CTNND2: variants seen among roughly 807,000 people sequenced by gnomAD.
CTNND2 encodes catenin delta-2.
A neutral mutation model predicts 144.4 loss-of-function variants in CTNND2; 22 were observed. That is an observed-to-expected ratio of 0.15 (90% CI 0.11 to 0.22). CTNND2 has a LOEUF of 0.22. CTNND2 is among the 10% of genes least tolerant of loss of function. The pLI, the probability that CTNND2 is intolerant of heterozygous loss-of-function variation, is 1.00. For synonymous variants in CTNND2, 751 were observed against 695.6 expected, an observed-to-expected ratio of 1.08 and a Z score of -1.25; for missense variants, 1,353 against 1,618.8, an observed-to-expected ratio of 0.84 and a Z score of 2.82.
At chr5:11,886,406 TATGAATA>T (rs1736534574) in intron 1 of CTNND2, among the ~76,000 whole-genome samples, 1 of 152,176 alleles carries the variant, frequency 6.6e-6, no homozygotes, top group African/African-American at 2.4e-5. Context: ...TCAAGACTAC[TATGAATA>T]ACTGTATGCC....
chr5:11,204,869 G>T (rs1031883462), intron 10 of CTNND2, among the ~76,000 whole-genome samples: 2 of 152,142 alleles, frequency 1.3e-5, no homozygotes, highest in Non-Finnish European at 2.9e-5. Context: ...CCCCGAGGGC[G>T]TGGCCTCCCA....
intron 2 of CTNND2, among the ~76,000 whole-genome samples, chr5:11,689,635 T>C (rs1784806741): frequency 6.6e-6 from 1 of 152,194 alleles, no homozygotes; most frequent in African/African-American, 2.4e-5. Context: ...TAATAATCAC[T>C]GTACTGCAGA....
chr5:11,481,901 C>T (rs866846478), intron 3 of CTNND2, among the ~76,000 whole-genome samples: 3 of 152,052 alleles, frequency 2.0e-5, no homozygotes, highest in Admixed American at 6.5e-5. Flanking sequence ...TGTGCAGGCC[C>T]CAGAAGGCCC....
intron 6 of CTNND2, among the ~76,000 whole-genome samples, chr5:11,395,069 C>T (rs1330663551): frequency 6.6e-6 from 1 of 152,062 alleles, no homozygotes; most frequent in Non-Finnish European, 1.5e-5. Flanking sequence ...TCACACGGAT[C>T]AGAATTTTGA....
At chr5:11,257,415 T>C (rs154723) in intron 9 of CTNND2, among the ~76,000 whole-genome samples, 26,210 of 152,106 alleles carry the variant, frequency 0.17, 2,634 homozygotes, top group African/African-American at 0.27. Context: ...GACTGGGTAA[T>C]TTACAAAGAA....
chr5:11,021,339 A>T (rs1201277289), intron 17 of CTNND2, among the ~76,000 whole-genome samples: 1 of 152,194 alleles, frequency 6.6e-6, no homozygotes, highest in African/African-American at 2.4e-5. Flanking sequence ...ATTGTTTTGC[A>T]GACTACGGTT....
intron 2 of CTNND2, among the ~76,000 whole-genome samples, chr5:11,700,207 C>T (rs10043612): frequency 3.8e-4 from 58 of 152,038 alleles, no homozygotes; most frequent in Non-Finnish European, 6.3e-4. Flanking sequence ...TGGCCAACAT[C>T]GTGAAACCCC....
chr5:11,240,785 AC>A (rs566074709), intron 9 of CTNND2, among the ~76,000 whole-genome samples: 1 of 126,696 alleles, frequency 7.9e-6, no homozygotes, highest in African/African-American at 3.1e-5. Flanking sequence ...CAGCACACAC[AC>A]CCCCAACCCC....
At chr5:11,273,395 A>G (rs1347571769) in intron 9 of CTNND2, among the ~76,000 whole-genome samples, 1 of 152,228 alleles carries the variant, frequency 6.6e-6, no homozygotes, top group Non-Finnish European at 1.5e-5. Context: ...CGCTGCCTTC[A>G]GTGAGCCAGA....
intron 5 of CTNND2, among the ~76,000 whole-genome samples, chr5:11,404,057 A>G (rs1440617420): frequency 6.6e-6 from 1 of 152,220 alleles, no homozygotes; most frequent in Non-Finnish European, 1.5e-5. Flanking sequence ...GGTATATATG[A>G]TGCTAGTCAC....
chr5:11,279,424 C>T (rs980250153), intron 9 of CTNND2, among the ~76,000 whole-genome samples: 2 of 152,136 alleles, frequency 1.3e-5, no homozygotes, highest in African/African-American at 2.4e-5. Context: ...ATTCTCATCC[C>T]TGCACCCCTC....
chr5:11,365,570 AC>A (rs1416712734), intron 7 of CTNND2, among the ~76,000 whole-genome samples: 2 of 152,160 alleles, frequency 1.3e-5, no homozygotes, highest in African/African-American at 4.8e-5. Flanking sequence ...GCGGCTACAC[AC>A]CACTTTGCTT....
At chr5:11,144,222 C>G (rs1349426490) in intron 12 of CTNND2, among the ~76,000 whole-genome samples, 2 of 152,214 alleles carry the variant, frequency 1.3e-5, no homozygotes, top group Non-Finnish European at 2.9e-5. Flanking sequence ...AGTAAACAGA[C>G]TATTTAAGTT....
At chr5:11,125,968 T>C (rs1288297962) in intron 12 of CTNND2, among the ~76,000 whole-genome samples, 2 of 152,234 alleles carry the variant, frequency 1.3e-5, no homozygotes, top group East Asian at 3.8e-4. Context: ...CTGTTCATGA[T>C]GGTAGCTACA....
intron 1 of CTNND2, among the ~76,000 whole-genome samples, chr5:11,843,757 C>G (rs192396005): frequency 1.3e-5 from 2 of 152,172 alleles, no homozygotes; most frequent in South Asian, 2.1e-4. Flanking sequence ...TATTTATGAT[C>G]CTAGGAAATT....
chr5:11,361,070 G>C (rs1035137785), intron 8 of CTNND2, among the ~76,000 whole-genome samples: 1 of 152,142 alleles, frequency 6.6e-6, no homozygotes, highest in Non-Finnish European at 1.5e-5. Flanking sequence ...GCCCAGGCTG[G>C]AGTGCAGTGG....
At chr5:11,823,288 T>C (rs1199144131) in intron 1 of CTNND2, among the ~76,000 whole-genome samples, 1 of 152,210 alleles carries the variant, frequency 6.6e-6, no homozygotes, top group Non-Finnish European at 1.5e-5. Context: ...TAATGATGCA[T>C]GCAATTTTTT....
intron 1 of CTNND2, among the ~76,000 whole-genome samples, chr5:11,891,262 T>C (rs937437134): frequency 2.6e-5 from 4 of 152,216 alleles, no homozygotes; most frequent in African/African-American, 9.6e-5. Context: ...GCAAAACATT[T>C]AAACTGAGCT....
chr5:11,692,415 C>T (rs1216848399), intron 2 of CTNND2, among the ~76,000 whole-genome samples: 1 of 152,164 alleles, frequency 6.6e-6, no homozygotes, highest in Non-Finnish European at 1.5e-5. Flanking sequence ...AGGCTGCTGT[C>T]TGTGTTTGGC....
Sources: allele counts gnomAD v4.1 joint callset (sites outside exome capture counted in the v4.1 genomes callset), GRCh38; gene constraint gnomAD v4.1.1; transcripts MANE v1.5; gene names NCBI Gene and HGNC (gene_info 2026-07-23, HGNC 2026-07-21).